Variants in ADGRB3 observed in about 807,000 individuals in gnomAD.
ADGRB3 encodes brain-specific angiogenesis inhibitor 3.
In ADGRB3, 37 loss-of-function variants were observed where a neutral mutation model predicts 193.4. The ratio of observed to expected loss-of-function variants is 0.19; its 90% confidence interval spans 0.15 to 0.25. ADGRB3 has a LOEUF of 0.25. Among genes scored for constraint, ADGRB3 ranks in the 10% least tolerant of loss-of-function variants. The pLI, the probability that ADGRB3 is intolerant of heterozygous loss-of-function variation, is 1.00. For synonymous variants in ADGRB3, 690 were observed against 644.2 expected (o/e 1.07, Z -1.08); for missense variants, 1,637 against 1,852.9 (o/e 0.88, Z 2.14).
intron 3 of ADGRB3, among the ~76,000 whole-genome samples, chr6:68,753,805 G>A (rs936939026): frequency 2.0e-5 from 3 of 152,242 alleles, no homozygotes; most frequent in South Asian, 2.1e-4. Flanking sequence ...GGGTGTATTC[G>A]CAGGACACCA....
At chr6:68,938,015 C>A (rs1767527954) in intron 5 of ADGRB3, among the ~76,000 whole-genome samples, 1 of 151,772 alleles carries the variant, frequency 6.6e-6, no homozygotes, top group African/African-American at 2.4e-5. Flanking sequence ...ATGAGGTGGG[C>A]GATCCCTTTA....
chr6:68,710,114 G>C (rs1299096462), intron 3 of ADGRB3, among the ~76,000 whole-genome samples: 3 of 152,192 alleles, frequency 2.0e-5, no homozygotes, highest in Non-Finnish European at 4.4e-5. Context: ...CAGAGCTCAT[G>C]CTCTTAACTT....
At chr6:69,048,890 T>G (rs954645832) in intron 14 of ADGRB3, among the ~76,000 whole-genome samples, 8 of 152,138 alleles carry the variant, frequency 5.3e-5, no homozygotes, top group Non-Finnish European at 1.2e-4. Flanking sequence ...TAGAACATTT[T>G]TAATAGCCTT....
At chr6:69,075,125 G>C (rs1384274842) in intron 16 of ADGRB3, among the ~76,000 whole-genome samples, 1 of 152,122 alleles carries the variant, frequency 6.6e-6, no homozygotes, top group Non-Finnish European at 1.5e-5. Flanking sequence ...GAGAGGTAGT[G>C]GTACTGCTTT....
chr6:68,651,452 T>C (rs1768365422), intron 3 of ADGRB3, among the ~76,000 whole-genome samples: 1 of 152,132 alleles, frequency 6.6e-6, no homozygotes, highest in African/African-American at 2.4e-5. Context: ...GATCATACTT[T>C]GGTGTTCAAT....
At chr6:69,339,936 A>T (rs564793808) in intron 26 of ADGRB3, among the ~76,000 whole-genome samples, 2 of 152,198 alleles carry the variant, frequency 1.3e-5, no homozygotes, top group Non-Finnish European at 2.9e-5. Context: ...CCCTCATTGC[A>T]TATATTAACT....
chr6:69,339,266 TG>T, intron 25 of ADGRB3, 66 bp from the exon 26 acceptor site: 1 of 1,539,400 alleles, frequency 6.5e-7, no homozygotes, highest in Non-Finnish European at 8.8e-7. Flanking sequence ...CTTTGTTGAA[TG>T]GGGGTTTGGC....
chr6:68,993,112 C>A (rs899522289), intron 10 of ADGRB3, among the ~76,000 whole-genome samples: 1 of 152,182 alleles, frequency 6.6e-6, no homozygotes, highest in East Asian at 1.9e-4. Context: ...CTCTGACCAT[C>A]AAACTAATTT....
chr6:68,841,649 A>G (rs34625240), intron 3 of ADGRB3, among the ~76,000 whole-genome samples: 1 of 152,074 alleles, frequency 6.6e-6, no homozygotes, highest in South Asian at 2.1e-4. Flanking sequence ...GCCTACATCA[A>G]AAAAGTAGAA....
intron 3 of ADGRB3, among the ~76,000 whole-genome samples, chr6:68,672,651 T>C (rs1768993927): frequency 6.6e-6 from 1 of 152,050 alleles, no homozygotes; most frequent in African/African-American, 2.4e-5. Flanking sequence ...GAAATGAGAT[T>C]ACTGTCTACT....
intron 10 of ADGRB3, among the ~76,000 whole-genome samples, chr6:68,978,273 A>G (rs3798984): frequency 0.086 from 12,971 of 151,262 alleles, 1,027 homozygotes; most frequent in Non-Finnish European, 0.13. Context: ...GTAGAAAAGT[A>G]TAGATAAATT....
chr6:69,357,341 G>A (rs765681865), intron 28 of ADGRB3, among the ~76,000 whole-genome samples: 2 of 151,850 alleles, frequency 1.3e-5, no homozygotes, highest in Admixed American at 6.6e-5. Context: ...TTTGTTTTTG[G>A]TATGTTTTCC....
chr6:69,003,319 T>G (rs1258973633), intron 11 of ADGRB3, among the ~76,000 whole-genome samples: 2 of 152,174 alleles, frequency 1.3e-5, no homozygotes, highest in Non-Finnish European at 2.9e-5. Flanking sequence ...TAAGGGAGTG[T>G]GGGCACTGCT....
intron 6 of ADGRB3, among the ~76,000 whole-genome samples, chr6:68,945,552 A>G (rs1386900657): frequency 6.6e-6 from 1 of 152,160 alleles, no homozygotes; most frequent in East Asian, 1.9e-4. Context: ...AGAATCAAAT[A>G]TAGTTTACTC....
At chr6:69,098,223 C>A (rs1156869654) in intron 17 of ADGRB3, among the ~76,000 whole-genome samples, 1 of 152,172 alleles carries the variant, frequency 6.6e-6, no homozygotes, top group Non-Finnish European at 1.5e-5. Flanking sequence ...CAGGTGTGAG[C>A]CATTGCACCT....
chr6:69,072,248 G>A (rs538044534), intron 16 of ADGRB3, among the ~76,000 whole-genome samples: 2 of 152,232 alleles, frequency 1.3e-5, no homozygotes, highest in South Asian at 4.1e-4. Flanking sequence ...AGAATGTGTA[G>A]TGAAACTTAA....
chr6:68,884,685 A>G (rs1001850416), intron 3 of ADGRB3, among the ~76,000 whole-genome samples: 1 of 152,074 alleles, frequency 6.6e-6, no homozygotes, highest in Non-Finnish European at 1.5e-5. Context: ...AGTGAAAGAG[A>G]TAGAGAAAAA....
chr6:68,657,960 C>A (rs1472344748), intron 3 of ADGRB3, among the ~76,000 whole-genome samples: 1 of 151,296 alleles, frequency 6.6e-6, no homozygotes, highest in Non-Finnish European at 1.5e-5. Flanking sequence ...TGGAAATTTA[C>A]CATCTGTAGT....
intron 20 of ADGRB3, among the ~76,000 whole-genome samples, chr6:69,268,863 G>T (rs1767109288): frequency 6.6e-6 from 1 of 152,080 alleles, no homozygotes; most frequent in Non-Finnish European, 1.5e-5. Flanking sequence ...CTTTCTTTGG[G>T]CCTTGATGTT....
Sources: gnomAD v4.1 joint callset for allele counts (sites outside exome capture counted in the v4.1 genomes callset) on GRCh38, gnomAD v4.1.1 for gene constraint, MANE v1.5 for transcripts, NCBI Gene and HGNC (gene_info 2026-07-23, HGNC 2026-07-21) for gene names.